Variants in RBFOX3 observed in about 807,000 individuals in gnomAD.
The protein encoded by RBFOX3 is RNA binding fox-1 homolog 3, also known as RNA binding protein fox-1 homolog 3.
RBFOX3 carries 17 observed loss-of-function variants against 48.7 expected under a neutral mutation model. That is an observed-to-expected ratio of 0.35 (90% CI 0.24 to 0.52). The LOEUF (loss-of-function observed/expected upper bound fraction) is 0.52. Among genes scored for constraint, RBFOX3 ranks in the 20% least tolerant of loss-of-function variants. RBFOX3 has a pLI of 0.94. For synonymous variants in RBFOX3, 212 were observed against 209.5 expected (o/e 1.01, Z -0.10); for missense variants, 382 against 497.5 (o/e 0.77, Z 2.21).
chr17:79,441,214 G>C (rs1241833452), intron 2 of RBFOX3, among the ~76,000 whole-genome samples: 1 of 152,250 alleles, frequency 6.6e-6, no homozygotes, highest in Non-Finnish European at 1.5e-5. Context: ...GAAGGAGCAG[G>C]TGTGACGAGG....
intron 1 of RBFOX3, among the ~76,000 whole-genome samples, chr17:79,510,073 G>A (rs1054249578): frequency 6.6e-5 from 10 of 152,306 alleles, no homozygotes; most frequent in Admixed American, 4.6e-4. Context: ...AAGTGGCGGC[G>A]TGAATGGCCT....
chr17:79,428,883 A>G (rs2067890103), intron 2 of RBFOX3, among the ~76,000 whole-genome samples: 1 of 152,242 alleles, frequency 6.6e-6, no homozygotes, highest in Non-Finnish European at 1.5e-5. Flanking sequence ...AAGTAAAGTC[A>G]TATAGTATTT....
rs12600708 is a variant in RBFOX3 at position 79,234,134 on chromosome 17, C to T, written c.-34+1632G>A. ...TAACCCTGACACACACAGGCAGCCA[C>T]TCGGTACGGGGGACCCTGTTACACA... On this transcript the variant is annotated intron_variant, in intron 4 of 14. Transcript: ENST00000693108. The T allele has an allele frequency of 8.1e-3, 1,241 of 152,424 alleles. 15 individuals carry two copies. The highest frequency in any genetic ancestry group is 0.061 in the East Asian group (317 of 5,168). The allele number at this position is 152,424 out of a possible 1,614,324, so 9.4% of individuals were successfully genotyped here. A position where few individuals can be genotyped will look rare whatever the true frequency, so the allele number is the denominator to read the frequency against.
At chr17:79,501,946 T>C (rs916721545) in intron 1 of RBFOX3, among the ~76,000 whole-genome samples, 11 of 152,230 alleles carry the variant, frequency 7.2e-5, no homozygotes, top group East Asian at 1.9e-4. Context: ...ATTAAAATGG[T>C]GGATGGGGCA....
chr17:79,138,787 TCACGCCCCCTTACCCACACA>T (rs1391460432), intron 4 of RBFOX3, among the ~76,000 whole-genome samples: 34 of 93,292 alleles, frequency 3.6e-4, no homozygotes, highest in African/African-American at 6.2e-4. Context: ...GCACATGCCT[TCACGCCCCCTTACCCACACA>T]CATGCGTTCA....
Position 79,375,463 on chromosome 17 carries a change from G to A in RBFOX3, c.-174-67639C>T, listed in dbSNP as rs9675149. ...TTGGGGAGTGTTGAGGGTAATCAGG[G>A]ATAACATACTCTCGGCCCCCAGGGG... is the stretch of plus-strand genomic sequence containing the variant. On this transcript the variant is annotated intron_variant, in intron 2 of 14. Coordinates refer to ENST00000693108, the MANE Select transcript of RBFOX3 (RefSeq NM_001350451.2). 7.1e-3 allele frequency among the ~76,000 whole-genome samples: 1,076 copies of A among 152,082 alleles called. 12 individuals are homozygous for A. Among genetic ancestry groups the A allele is most frequent in the African/African-American group, 0.024 (1,004 of 41,470 alleles).
intron 2 of RBFOX3, among the ~76,000 whole-genome samples, chr17:79,476,359 G>T (rs1339095122): frequency 6.6e-6 from 1 of 152,202 alleles, no homozygotes; most frequent in Admixed American, 6.5e-5. Context: ...AAAAATATTG[G>T]CCCGTTTTTC....
chr17:79,284,093 C>G (rs1348708372), intron 3 of RBFOX3, among the ~76,000 whole-genome samples: 1 of 147,206 alleles, frequency 6.8e-6, no homozygotes, highest in Non-Finnish European at 1.5e-5. Context: ...TATCATTTGC[C>G]TGTTTCAGTA....
intron 1 of RBFOX3, among the ~76,000 whole-genome samples, chr17:79,602,695 G>A (rs1229843238): frequency 6.6e-6 from 1 of 152,056 alleles, no homozygotes; most frequent in East Asian, 1.9e-4. Flanking sequence ...TTGCAAAGCT[G>A]TGCTTCGGTT....
chr17:79,548,126 G>A (rs982363493), intron 1 of RBFOX3, among the ~76,000 whole-genome samples: 15 of 152,220 alleles, frequency 9.9e-5, no homozygotes, highest in African/African-American at 3.4e-4. Flanking sequence ...TGGGAACCTC[G>A]CCCAGTGCGG....
At chr17:79,267,127 G>T (rs1262678981) in intron 3 of RBFOX3, among the ~76,000 whole-genome samples, 1 of 152,140 alleles carries the variant, frequency 6.6e-6, no homozygotes, top group Non-Finnish European at 1.5e-5. Context: ...CTGACTCTGA[G>T]CAGTGAGTGG....
intron 4 of RBFOX3, among the ~76,000 whole-genome samples, chr17:79,144,616 CAGG>C (rs1052588169): frequency 1.3e-4 from 20 of 152,200 alleles, no homozygotes; most frequent in African/African-American, 3.6e-4. Flanking sequence ...GGTTGAGCCA[CAGG>C]AGGAGGAAGA....
At position 79,570,718 on chromosome 17, in the gene RBFOX3, C is replaced by T. The variant is rs964583863; in HGVS notation, c.-320+40108G>A. Among the ~76,000 whole-genome samples, 238 of 152,318 alleles carry T rather than the reference C, an allele frequency of 1.6e-3. 4 individuals are homozygous for T. Among genetic ancestry groups the T allele is most frequent in the Middle Eastern group, 6.8e-3 (2 of 294 alleles). ...CCCACCCCTGGGGACCCTGACTCCA[C>T]ACTCTAGGGTGGAGCTCACAGTCAG... On this transcript the variant is annotated intron_variant, in intron 1 of 14. Coordinates refer to ENST00000693108, the MANE Select transcript of RBFOX3 (RefSeq NM_001350451.2).
At chr17:79,561,322 C>T (rs1451192230) in intron 1 of RBFOX3, among the ~76,000 whole-genome samples, 1 of 152,166 alleles carries the variant, frequency 6.6e-6, no homozygotes, top group Admixed American at 6.5e-5. Flanking sequence ...GCTGAGCAGC[C>T]GGCAAGCCCA....
intron 1 of RBFOX3, among the ~76,000 whole-genome samples, chr17:79,488,360 TC>T (rs1386555521): frequency 0.062 from 1,433 of 23,040 alleles, 13 homozygotes; most frequent in South Asian, 0.32. Flanking sequence ...CACTACCCCC[TC>T]CCCGGGGCCT....
rs556238242 is a variant in RBFOX3 at position 79,421,366 on chromosome 17, T to A, written c.-175+61088A>T. Reference sequence around the variant, plus strand: ...TTGAGGCTGGTGTCAGAAGTGGGGCTGCTTGAAGTGGATGGCCCCCTCAAT... The same window carrying A: ...TTGAGGCTGGTGTCAGAAGTGGGGCAGCTTGAAGTGGATGGCCCCCTCAAT... On this transcript the variant is annotated intron_variant, in intron 2 of 14. Coordinates refer to ENST00000693108, the MANE Select transcript of RBFOX3 (RefSeq NM_001350451.2). This position sits in a 1 kb window ranked among gnomAD's most constrained non-coding sequence, Gnocchi z 4.5. Among the ~76,000 whole-genome samples, 37 of 152,246 alleles carry A rather than the reference T, an allele frequency of 2.4e-4. No individual in the cohort carries two copies. In the East Asian group the frequency reaches 7.0e-3, roughly 29 times the overall value.
At chr17:79,312,794 G>A (rs906780456) in intron 2 of RBFOX3, among the ~76,000 whole-genome samples, 10 of 152,196 alleles carry the variant, frequency 6.6e-5, no homozygotes, top group African/African-American at 2.4e-4. Flanking sequence ...GTCTTCCTTG[G>A]CCTGAGCACA....
the RBFOX3 span, among the ~76,000 whole-genome samples, chr17:79,662,600 T>C: frequency 2.0e-5 from 3 of 152,292 alleles, no homozygotes; most frequent in East Asian, 5.8e-4. Flanking sequence ...CATTAGTCTA[T>C]TTGTCTGTCC....
At chr17:79,488,812 C>CACTAAATCACA (rs1225191369) in intron 1 of RBFOX3, among the ~76,000 whole-genome samples, 1 of 152,168 alleles carries the variant, frequency 6.6e-6, no homozygotes, top group Non-Finnish European at 1.5e-5. Context: ...ATCACAGCTG[C>CACTAAATCACA]GCTTTCTCCT....
Sources: allele counts gnomAD v4.1 joint callset (sites outside exome capture counted in the v4.1 genomes callset), GRCh38; gene constraint gnomAD v4.1.1; non-coding constraint Gnocchi (gnomAD v3.1); transcripts MANE v1.5; gene names NCBI Gene and HGNC (gene_info 2026-07-23, HGNC 2026-07-21).